The following AGAP1 variants were observed in gnomAD, a reference collection of about 807,000 sequenced individuals.
AGAP1 encodes ArfGAP with GTPase domain, ankyrin repeat and PH domain 1, also known as arf-GAP with GTPase, ANK repeat and PH domain-containing protein 1.
In AGAP1, 29 loss-of-function variants were observed where a neutral mutation model predicts 105.3. The ratio of observed to expected loss-of-function variants is 0.28; its 90% CI spans 0.21 to 0.38. The LOEUF (loss-of-function observed/expected upper bound fraction) is 0.38, where lower values mean the gene tolerates loss of function less well. AGAP1 is among the 10% of genes least tolerant of loss of function. AGAP1 has a pLI of 1.00. For missense variants in AGAP1, 998 were observed against 1,165.1 expected (o/e 0.86, Z 2.09); for synonymous variants, 509 against 485.9 (o/e 1.05, Z -0.63).
chr2:236,031,838 C>G (rs1346881707), intron 13 of AGAP1, among the ~76,000 whole-genome samples: 1 of 152,174 alleles, frequency 6.6e-6, no homozygotes, highest in Non-Finnish European at 1.5e-5. Flanking sequence ...GCATTGGGCT[C>G]TCTCTGTGGT....
In AGAP1 at chr2:235,609,059, A is replaced by G. The variant is rs1331728610; in HGVS notation, c.164-100120A>G. 6.6e-6 allele frequency among the ~76,000 whole-genome samples: 1 copy of G among 152,160 alleles called. No homozygotes were observed. The highest frequency in any genetic ancestry group is 6.5e-5 in the Admixed American group (1 of 15,282). On this transcript the variant is annotated intron_variant, in intron 1 of 17. Coordinates refer to ENST00000304032, the MANE Select transcript of AGAP1 (RefSeq NM_001037131.3). The surrounding 1 kb of genome is among the most constrained non-coding windows in gnomAD (Gnocchi z 5.1). ...CAGTGGTAAGTTCTGCATAGAAATG[A>G]TTTTTGCACAGAGCTTTGTCATTGG...
intron 16 of AGAP1, among the ~76,000 whole-genome samples, chr2:236,070,767 C>T (rs1354851715): frequency 6.6e-6 from 1 of 151,908 alleles, no homozygotes; most frequent in Non-Finnish European, 1.5e-5. Context: ...TGGCCCTGGG[C>T]CGGGGCAGGG....
chr2:235,751,128 A>C lies in AGAP1; in HGVS notation c.673+640A>C, dbSNP rs1953397491. 6.6e-6 allele frequency among the ~76,000 whole-genome samples: 1 copy of C among 152,130 alleles called. No homozygotes were observed. Among genetic ancestry groups the C allele is most frequent in the Non-Finnish European group, 1.5e-5 (1 of 68,026 alleles). ...CAAGAGGGTCACATACTTGTGGATG[A>C]TCATAGCGCCAGACGTCGTCTATGA... On this transcript the variant is annotated intron_variant, in intron 6 of 17. Coordinates refer to ENST00000304032, the MANE Select transcript of AGAP1 (RefSeq NM_001037131.3). This position sits in a 1 kb window ranked among gnomAD's most constrained non-coding sequence, Gnocchi z 5.3.
At chr2:235,862,447 A>T (rs1036747957) in intron 9 of AGAP1, among the ~76,000 whole-genome samples, 1 of 152,182 alleles carries the variant, frequency 6.6e-6, no homozygotes, top group Non-Finnish European at 1.5e-5. Flanking sequence ...GGCCAGATGT[A>T]GGGTGCATTT....
intron 1 of AGAP1, among the ~76,000 whole-genome samples, chr2:235,699,498 A>G (rs1950155620): frequency 6.6e-6 from 1 of 152,080 alleles, no homozygotes; most frequent in African/African-American, 2.4e-5. Context: ...CACGGGTTAA[A>G]TGGGATCCTG....
rs1432978971 is a variant in AGAP1, at chr2:235,752,755, TC to T, written c.673+2268del. Among the ~76,000 whole-genome samples the T allele has an allele frequency of 6.6e-6, 1 of 152,056 alleles. No homozygotes were observed. Among genetic ancestry groups the T allele is most frequent in the Non-Finnish European group, 1.5e-5 (1 of 68,040 alleles). ...AGTTTTCCATAAATTGATGAGTGCT[TC>T]TTATAAAAATAATGTTGTCAATTAA... On this transcript the variant is annotated intron_variant, in intron 6 of 17. Coordinates refer to ENST00000304032, the MANE Select transcript of AGAP1 (RefSeq NM_001037131.3). The surrounding 1 kb of genome is among the most constrained non-coding windows in gnomAD (Gnocchi z 4.3).
At chr2:235,935,348 CAT>C (rs2052937195) in intron 12 of AGAP1, among the ~76,000 whole-genome samples, 1 of 152,154 alleles carries the variant, frequency 6.6e-6, no homozygotes, top group African/African-American at 2.4e-5. Flanking sequence ...AATGCAGAAA[CAT>C]ATTCATCTTG....
intron 1 of AGAP1, among the ~76,000 whole-genome samples, chr2:235,590,062 G>T (rs927967006): frequency 4.6e-5 from 7 of 152,070 alleles, no homozygotes; most frequent in African/African-American, 9.6e-5. Context: ...TGTGTTTTTA[G>T]TAGAAAGGGG....
chr2:236,075,032 G>A (rs905531934), intron 16 of AGAP1, among the ~76,000 whole-genome samples: 4 of 152,140 alleles, frequency 2.6e-5, no homozygotes, highest in East Asian at 1.9e-4. Context: ...CAGCTTAGAC[G>A]ATAGAGACAG....
intron 6 of AGAP1, among the ~76,000 whole-genome samples, chr2:235,758,417 G>C (rs73996353): frequency 6.6e-6 from 1 of 152,086 alleles, no homozygotes; most frequent in African/African-American, 2.4e-5. Context: ...CTTCCCAGAG[G>C]TACATGGTGC....
chr2:235,653,191 C>T (rs867700149), intron 1 of AGAP1, among the ~76,000 whole-genome samples: 3 of 151,940 alleles, frequency 2.0e-5, no homozygotes, highest in East Asian at 1.9e-4. Context: ...TCCGGCCGGG[C>T]GCAGTGGCTC....
intron 10 of AGAP1, among the ~76,000 whole-genome samples, chr2:235,894,387 G>A (rs1039720993): frequency 1.2e-4 from 19 of 152,246 alleles, no homozygotes; most frequent in African/African-American, 3.1e-4. Context: ...CCAGCTTTCC[G>A]TGTGGATTGC....
intron 10 of AGAP1, among the ~76,000 whole-genome samples, chr2:235,884,464 T>TGTTTGTTTG (rs1448981143): frequency 6.9e-6 from 1 of 144,884 alleles, no homozygotes; most frequent in African/African-American, 2.8e-5. Context: ...TTTTTTTTTT[T>TGTTTGTTTG]TTTTTGAGAG....
In AGAP1 at chr2:236,129,556, C is replaced by T. The variant is rs1175340648; in HGVS notation, c.*5434C>T. ...TGATTAGAGAGAAGTGGCCAGTGTC[C>T]CGTCTGTGATTAGACAGAAACCCCT... On this transcript the variant is annotated 3_prime_UTR_variant, in exon 18 of 18. Transcript: ENST00000304032. This position sits in a 1 kb window ranked among gnomAD's most constrained non-coding sequence, Gnocchi z 6.2. 6.6e-6 allele frequency: 1 copy of T among 152,182 alleles called. No individual in the cohort carries two copies. Among genetic ancestry groups the T allele is most frequent in the Non-Finnish European group, 1.5e-5 (1 of 68,052 alleles). The allele number at this position is 152,182 out of a possible 1,614,324, so 9.4% of individuals were successfully genotyped here. A position where few individuals can be genotyped will look rare whatever the true frequency, so the allele number is the denominator to read the frequency against.
Position 235,553,106 on chromosome 2 carries a change from G to A in AGAP1, c.163+58257G>A, listed in dbSNP as rs1943865447. 6.6e-6 allele frequency among the ~76,000 whole-genome samples: 1 copy of A among 152,196 alleles called. No homozygotes were observed. Among genetic ancestry groups the A allele is most frequent in the African/African-American group, 2.4e-5 (1 of 41,444 alleles). On this transcript the variant is annotated intron_variant, in intron 1 of 17. Transcript: ENST00000304032. This position sits in a 1 kb window ranked among gnomAD's most constrained non-coding sequence, Gnocchi z 4.5. ...AATACTATAACTGAATATACAGTCA[G>A]CTACTCACCACTCGAAAGCCAGACT...
chr2:236,120,081 T>C lies in AGAP1; in HGVS notation c.2115-111T>C. 6.8e-6 allele frequency: 10 copies of C among 1,468,942 alleles called. No homozygotes were observed. The highest frequency in any genetic ancestry group is 8.3e-6 in the Non-Finnish European group (9 of 1,090,308). 91.0% of individuals were successfully genotyped at this position (1,468,942 alleles called of 1,614,324 possible). A position where few individuals can be genotyped will look rare whatever the true frequency, so the allele number is the denominator to read the frequency against. The stretch of plus-strand genomic sequence containing the variant: ...CTTTGTGCCGAGTGAAGACCTTTGC[T>C]TTCTGTTATTTCACTTCCCTCTCGG... On this transcript the variant is annotated intron_variant, in intron 16 of 17. Coordinates refer to ENST00000304032, the MANE Select transcript of AGAP1 (RefSeq NM_001037131.3). This position sits in a 1 kb window ranked among gnomAD's most constrained non-coding sequence, Gnocchi z 6.0.
At chr2:235,637,400 G>A (rs749303738) in intron 1 of AGAP1, among the ~76,000 whole-genome samples, 2 of 151,986 alleles carry the variant, frequency 1.3e-5, no homozygotes, top group Non-Finnish European at 1.5e-5. Context: ...AGCCCCGCAA[G>A]TGACTAGGAC....
At chr2:235,942,434 T>A (rs1444410451) in intron 12 of AGAP1, among the ~76,000 whole-genome samples, 1 of 152,148 alleles carries the variant, frequency 6.6e-6, no homozygotes, top group Admixed American at 6.5e-5. Context: ...TCCCAGCACT[T>A]TGGGAGGCCG....
intron 11 of AGAP1, among the ~76,000 whole-genome samples, chr2:235,914,517 G>A (rs370012284): frequency 2.6e-5 from 4 of 152,268 alleles, no homozygotes; most frequent in South Asian, 2.1e-4. Flanking sequence ...CGGGGGTGGG[G>A]TATTCCTAGC....
Sources: gnomAD v4.1 joint callset for allele counts (sites outside exome capture counted in the v4.1 genomes callset) on GRCh38, gnomAD v4.1.1 for gene constraint, Gnocchi (gnomAD v3.1) non-coding constraint, MANE v1.5 for transcripts, NCBI Gene and HGNC (gene_info 2026-07-23, HGNC 2026-07-21) for gene names.